The following GMCL1 variants were observed in gnomAD, a reference collection of about 807,000 sequenced individuals.
GMCL1 encodes germ cell-less 1, spermatogenesis associated.
GMCL1 carries 54 observed loss-of-function variants against 75.5 expected under a neutral mutation model. The ratio of observed to expected loss-of-function variants is 0.71; its 90% CI spans 0.57 to 0.90. The LOEUF is 0.90. Among genes scored for constraint, GMCL1 ranks in the 40% least tolerant of loss-of-function variants. The pLI is 0.00. For missense variants in GMCL1, 537 were observed against 622.7 expected (o/e 0.86, Z 1.47); for synonymous variants, 210 against 209.6 (o/e 1.00, Z -0.02).
At chr2:69,860,537 TG>T (rs1317365917) in intron 9 of GMCL1, among the ~76,000 whole-genome samples, 1 of 152,176 alleles carries the variant, frequency 6.6e-6, no homozygotes, top group Admixed American at 6.5e-5. Flanking sequence ...ACCAATTAAT[TG>T]TTTTTTTATG....
At chr2:69,870,682 C>T (rs771225376) in intron 12 of GMCL1, among the ~76,000 whole-genome samples, 1 of 152,122 alleles carries the variant, frequency 6.6e-6, no homozygotes, top group Non-Finnish European at 1.5e-5. Context: ...AAACTCAACT[C>T]AGCTCAAAAA....
At chr2:69,847,655 T>C in intron 7 of GMCL1, 28 bp downstream of exon 7, 2 of 1,331,690 alleles carry the variant, frequency 1.5e-6, no homozygotes, top group Admixed American at 1.7e-5. Flanking sequence ...TGTCATATTA[T>C]ACAAGGATGT....
chr2:69,853,066 A>T (rs1675365241), intron 8 of GMCL1, among the ~76,000 whole-genome samples: 1 of 152,240 alleles, frequency 6.6e-6, no homozygotes, highest in African/African-American at 2.4e-5. Context: ...TAAATGAGCC[A>T]GTCTCTTCTA....
chr2:69,872,197 C>T (rs538176185), intron 13 of GMCL1, among the ~76,000 whole-genome samples: 75 of 152,270 alleles, frequency 4.9e-4, no homozygotes, highest in African/African-American at 1.8e-3. Flanking sequence ...TCACAGCAGG[C>T]ATCTTAAAGA....
At chr2:69,867,209 T>G (rs1558550076) in intron 11 of GMCL1, among the ~76,000 whole-genome samples, 1 of 151,938 alleles carries the variant, frequency 6.6e-6, no homozygotes, top group East Asian at 1.9e-4. Flanking sequence ...GCCTCCCAAA[T>G]TGTTGAGATT....
chr2:69,877,636 C>T (rs1676159928), intron 13 of GMCL1, among the ~76,000 whole-genome samples: 1 of 152,090 alleles, frequency 6.6e-6, no homozygotes, highest in Admixed American at 6.6e-5. Context: ...GTGATGGCCT[C>T]CCCTGATTTT....
intron 12 of GMCL1, 106 bp from the exon 13 acceptor site, chr2:69,871,639 T>C (rs1248201377): frequency 1.6e-6 from 1 of 608,638 alleles, no homozygotes; most frequent in Admixed American, 3.3e-5. Context: ...AAGTCTTTTA[T>C]CAAATAAAAA....
At chr2:69,845,392 G>A (rs148766940) in intron 6 of GMCL1, among the ~76,000 whole-genome samples, 30 of 152,296 alleles carry the variant, frequency 2.0e-4, no homozygotes, top group African/African-American at 6.3e-4. Flanking sequence ...AAGAAATATG[G>A]CGGTGACAAT....
intron 7 of GMCL1, among the ~76,000 whole-genome samples, chr2:69,848,996 A>G (rs1394393401): frequency 1.3e-5 from 2 of 152,126 alleles, no homozygotes; most frequent in African/African-American, 4.8e-5. Context: ...TATAGTATTT[A>G]GTGAAATTGA....
intron 13 of GMCL1, among the ~76,000 whole-genome samples, chr2:69,874,808 C>T (rs1676079270): frequency 6.6e-6 from 1 of 150,754 alleles, no homozygotes; most frequent in Non-Finnish European, 1.5e-5. Flanking sequence ...ATGGTACAAT[C>T]TTGGCTCACT....
chr2:69,875,700 CTT>C (rs201292367), intron 13 of GMCL1, among the ~76,000 whole-genome samples: 9 of 143,768 alleles, frequency 6.3e-5, no homozygotes, highest in Admixed American at 6.9e-5. Context: ...TTTTACATTT[CTT>C]TTTTTTTTTT....
intron 9 of GMCL1, 103 bp downstream of exon 9, chr2:69,855,063 C>A: frequency 1.1e-6 from 1 of 940,814 alleles, no homozygotes; most frequent in Non-Finnish European, 1.6e-6. Flanking sequence ...ATTATTAATC[C>A]CAAAAAGGTA....
intron 1 of GMCL1, among the ~76,000 whole-genome samples, chr2:69,835,864 A>G (rs958846663): frequency 6.6e-6 from 1 of 152,192 alleles, no homozygotes; most frequent in Non-Finnish European, 1.5e-5. Flanking sequence ...CGGTTTGGGA[A>G]CCATGACTTA....
chr2:69,868,282 C>G (rs1314965606), intron 11 of GMCL1, among the ~76,000 whole-genome samples: 1 of 151,862 alleles, frequency 6.6e-6, no homozygotes, highest in African/African-American at 2.4e-5. Flanking sequence ...TCTACTAGGG[C>G]AGAAACTGTA....
At chr2:69,831,130 G>A (rs1049081848) in intron 1 of GMCL1, among the ~76,000 whole-genome samples, 1 of 152,060 alleles carries the variant, frequency 6.6e-6, no homozygotes, top group Admixed American at 6.5e-5. Context: ...TGTTGGCCAG[G>A]CTTGTCTCAA....
intron 8 of GMCL1, among the ~76,000 whole-genome samples, chr2:69,851,752 T>C (rs1381238468): frequency 2.0e-5 from 3 of 152,086 alleles, no homozygotes; most frequent in Admixed American, 6.6e-5. Flanking sequence ...GACAGCAGAG[T>C]GAGACCCTGT....
At chr2:69,875,855 C>G (rs1368442788) in intron 13 of GMCL1, among the ~76,000 whole-genome samples, 1 of 144,672 alleles carries the variant, frequency 6.9e-6, no homozygotes, top group Non-Finnish European at 1.6e-5. Context: ...CCACCACGCC[C>G]AGCTTTTTTG....
rs779965071 is a variant in GMCL1 at position 69,843,221 on chromosome 2, A to T, written c.652A>T (p.Thr218Ser). The change falls in exon 5 of 14, where the codon ACA becomes TCA. Residue 218 changes from threonine (T) to serine (S), a missense_variant. Physicochemically the swap from Thr to Ser is moderately conservative, Grantham distance 58. Coordinates refer to ENST00000282570, the MANE Select transcript of GMCL1 (RefSeq NM_178439.5). The stretch of plus-strand genomic sequence containing the variant: ...TGTGAAAACTGTATGTGGCTATTAC[A>T]CATCAGCAGGGACCTATGGATTAGA... ...VNVKTVCGYYTSAGTYGLDSV... is the reference protein window; with the variant it reads ...VNVKTVCGYYSSAGTYGLDSV... 9.9e-6 allele frequency: 16 copies of T among 1,609,010 alleles called. No homozygotes were observed. The South Asian group carries it at 1.8e-4, about 18-fold the overall frequency.
chr2:69,876,940 A>G (rs913218487), intron 13 of GMCL1, among the ~76,000 whole-genome samples: 2 of 152,182 alleles, frequency 1.3e-5, no homozygotes, highest in African/African-American at 4.8e-5. Flanking sequence ...ATGAGCCATG[A>G]TCATGCCACC....
Sources: gnomAD v4.1 joint callset for allele counts (sites outside exome capture counted in the v4.1 genomes callset) on GRCh38, gnomAD v4.1.1 for gene constraint, MANE v1.5 for transcripts, NCBI Gene and HGNC (gene_info 2026-07-23, HGNC 2026-07-21) for gene names.